RAB3GAP2: variants seen among roughly 807,000 people sequenced by gnomAD.
RAB3GAP2 encodes rab3 GTPase-activating protein non-catalytic subunit.
RAB3GAP2 carries 87 observed loss-of-function variants against 185.3 expected under a neutral mutation model. That is an observed-to-expected ratio of 0.47 (90% CI 0.39 to 0.56). RAB3GAP2 has a LOEUF of 0.56. Ranked by LOEUF, RAB3GAP2 falls within the 20% of genes least tolerant of loss-of-function variation. The pLI, the probability that RAB3GAP2 is intolerant of heterozygous loss-of-function variation, is 0.00. For missense variants in RAB3GAP2, 1,492 were observed against 1,638.2 expected, an observed-to-expected ratio of 0.91 and a Z score of 1.54; for synonymous variants, 554 against 576.1, an observed-to-expected ratio of 0.96 and a Z score of 0.55.
At chr1:220,169,461 G>A (rs1374439781) in intron 24 of RAB3GAP2, among the ~76,000 whole-genome samples, 1 of 152,200 alleles carries the variant, frequency 6.6e-6, no homozygotes, top group Non-Finnish European at 1.5e-5. Flanking sequence ...AATCATGAAA[G>A]GTTTCCTGGA....
chr1:220,153,116 A>G, intron 33 of RAB3GAP2, 69 bp downstream of exon 33: 1 of 1,214,374 alleles, frequency 8.2e-7, no homozygotes, highest in Non-Finnish European at 1.2e-6. Context: ...TGGAAACTTA[A>G]CTGATTCTTT....
At chr1:220,234,588 A>T (rs1190526138) in intron 1 of RAB3GAP2, among the ~76,000 whole-genome samples, 1 of 152,230 alleles carries the variant, frequency 6.6e-6, no homozygotes, top group East Asian at 1.9e-4. Flanking sequence ...CAATTTAACA[A>T]ATACTCTATT....
In RAB3GAP2 at chr1:220,184,091, G is replaced by C. The variant is rs776693021; in HGVS notation, c.1943C>G (p.Ser648Cys). The change falls in exon 19 of 35, where the codon TCT (serine) becomes TGT (cysteine). Residue 648 changes from serine (S) to cysteine (C), a missense_variant. This residue lies in a region of RAB3GAP2 where 681 missense variants were observed against 689.1 expected (regional missense o/e 0.99). Coordinates refer to ENST00000358951, the MANE Select transcript of RAB3GAP2 (RefSeq NM_012414.4). Reference protein sequence around the residue: ...NKLKLLQLYESVSQLNSLDFH... With the variant: ...NKLKLLQLYECVSQLNSLDFH... ...ATCAAGGGAATTTAATTGACTGACA[G>C]ACTCATAGAGTTGCAGCAGTTTTAG... The C allele has an allele frequency of 6.2e-7, 1 of 1,603,104 alleles. No homozygotes were observed. Among genetic ancestry groups the C allele is most frequent in the Admixed American group, 1.7e-5 (1 of 59,948 alleles).
chr1:220,221,767 A>G (rs1659311728), intron 2 of RAB3GAP2, among the ~76,000 whole-genome samples: 2 of 152,256 alleles, frequency 1.3e-5, no homozygotes, highest in African/African-American at 4.8e-5. Context: ...TTAAGCACAC[A>G]ATGCAGGCAG....
At chr1:220,196,197 C>T in intron 10 of RAB3GAP2, 53 bp downstream of exon 10, 1 of 1,579,952 alleles carries the variant, frequency 6.3e-7, no homozygotes, top group African/African-American at 1.3e-5. Flanking sequence ...AATTTGTAGA[C>T]AAATTGTAAA....
chr1:220,209,017 C>T (rs867586904), intron 7 of RAB3GAP2, among the ~76,000 whole-genome samples: 1 of 152,034 alleles, frequency 6.6e-6, no homozygotes, highest in Non-Finnish European at 1.5e-5. Context: ...GTGCCCGGCC[C>T]CAAAACAATT....
At chr1:220,159,344 G>C in intron 29 of RAB3GAP2, 42 bp downstream of exon 29, 1 of 1,528,922 alleles carries the variant, frequency 6.5e-7, no homozygotes, top group South Asian at 1.1e-5. Flanking sequence ...ATAAAAGTGT[G>C]GAATTAACAA....
intron 1 of RAB3GAP2, among the ~76,000 whole-genome samples, chr1:220,262,880 T>C (rs1660166582): frequency 6.6e-6 from 1 of 152,210 alleles, no homozygotes; most frequent in Non-Finnish European, 1.5e-5. Flanking sequence ...GAGGAACTCT[T>C]ATTTTTTCCT....
rs752734744 is a variant in RAB3GAP2, at chr1:220,195,101, C to T, written c.1107G>A (p.Glu369=). 1 of 1,614,152 alleles carries T rather than the reference C, an allele frequency of 6.2e-7. No individual in the cohort carries two copies. Among genetic ancestry groups the T allele is most frequent in the African/African-American group, 1.3e-5 (1 of 75,042 alleles). ...EAVQKQKPKV[E]PATPLAVRFG... ...GCCTTACAGCTAATGGGGTAGCTGG[C>T]TCAACCTTCGGCTTTTGCTTTTGGA... The change falls in exon 12 of 35, where the codon GAG becomes GAA. Residue 369 remains glutamate (E), a synonymous_variant. Transcript: ENST00000358951.
intron 1 of RAB3GAP2, chr1:220,271,306 C>T (rs1288549671): frequency 6.6e-6 from 1 of 152,048 alleles, no homozygotes. Context: ...AGTGAGAGCG[C>T]TGTACTACAA....
intron 4 of RAB3GAP2, 63 bp from the exon 5 acceptor site, chr1:220,211,065 A>T (rs1305525736): frequency 2.7e-6 from 4 of 1,463,960 alleles, no homozygotes; most frequent in Non-Finnish European, 3.8e-6. Flanking sequence ...TTATTTCTCT[A>T]TAATTGGATG....
intron 1 of RAB3GAP2, among the ~76,000 whole-genome samples, chr1:220,261,764 C>T (rs1353553345): frequency 1.3e-5 from 2 of 152,128 alleles, no homozygotes; most frequent in Non-Finnish European, 2.9e-5. Flanking sequence ...TTTTGCTACA[C>T]TTTTACTTAA....
Position 220,158,022 on chromosome 1 carries a change from A to G in RAB3GAP2, c.3262-146T>C. ...GCAAGAATTTGAAAGTCAAGGCATT[A>G]GCATATTTAAGTTCCTTCTTTTAGA... On this transcript the variant is annotated intron_variant, in intron 29 of 34. Transcript: ENST00000358951. This position sits in a 1 kb window ranked among gnomAD's most constrained non-coding sequence, Gnocchi z 4.3. The G allele has an allele frequency of 1.4e-6, 1 of 697,906 alleles. No individual in the cohort carries two copies. Among genetic ancestry groups the G allele is most frequent in the Non-Finnish European group, 2.6e-6 (1 of 388,160 alleles). The allele number at this position is 697,906 out of a possible 1,614,324, so 43.2% of individuals were successfully genotyped here. A position where few individuals can be genotyped will look rare whatever the true frequency, so the allele number is the denominator to read the frequency against.
intron 1 of RAB3GAP2, among the ~76,000 whole-genome samples, chr1:220,242,444 C>G (rs917863477): frequency 3.3e-5 from 5 of 151,662 alleles, no homozygotes; most frequent in African/African-American, 1.2e-4. Flanking sequence ...ACAAATGCAA[C>G]ACAAGGCTGA....
intron 20 of RAB3GAP2, 141 bp from the exon 21 acceptor site, chr1:220,182,495 A>G: frequency 6.7e-7 from 1 of 1,486,476 alleles, no homozygotes; most frequent in Non-Finnish European, 9.0e-7. Flanking sequence ...TGCTTGATTT[A>G]TTAAAGCAGA....
chr1:220,253,885 G>A, intron 1 of RAB3GAP2: 1 of 1,613,534 alleles, frequency 6.2e-7, no homozygotes, highest in Non-Finnish European at 8.5e-7. Context: ...ACAGAAAAAT[G>A]TTGAAGTGAA....
At chr1:220,266,127 G>C (rs1660222765) in intron 1 of RAB3GAP2, 1 of 158,418 alleles carries the variant, frequency 6.3e-6, no homozygotes, top group South Asian at 1.8e-4. Context: ...GTAACATAAA[G>C]TCATACTTTG....
rs202192080 is a variant in RAB3GAP2 at position 220,151,688 on chromosome 1, G to A, written c.3944C>T (p.Ala1315Val). The change falls in exon 34 of 35, where the codon GCG becomes GTG. Residue 1315 changes from alanine to valine, a missense_variant. Transcript: ENST00000358951. ...TTCTTTTGTCTGGGTGTGGAGAAGCGCATGAGCCAGCCTTTGCCCCGTGAG... is the reference window on the plus strand; with the variant it reads ...TTCTTTTGTCTGGGTGTGGAGAAGCACATGAGCCAGCCTTTGCCCCGTGAG... ...LVLTGQRLAHALLHTQTKEGM... is the reference protein window; with the variant it reads ...LVLTGQRLAHVLLHTQTKEGM... 163 of 1,610,806 alleles carry A rather than the reference G, an allele frequency of 1.0e-4. No homozygotes were observed. Among genetic ancestry groups the A allele is most frequent in the Non-Finnish European group, 1.3e-4 (151 of 1,177,026 alleles).
In RAB3GAP2 at chr1:220,150,116, T is replaced by C. The variant is rs1174845786; in HGVS notation, c.*1135A>G. On this transcript the variant is annotated 3_prime_UTR_variant, in exon 35 of 35. Transcript: ENST00000358951. ...TTAGTTTGGTTTTTTCTTTTTTTTTTTTTTTTCGAGACAGGGTCTTGCTAT... is the reference window on the plus strand; with the variant it reads ...TTAGTTTGGTTTTTTCTTTTTTTTTCTTTTTTCGAGACAGGGTCTTGCTAT... The C allele has an allele frequency of 6.6e-6, 1 of 151,306 alleles. No individual in the cohort carries two copies. Among genetic ancestry groups the C allele is most frequent in the African/African-American group, 2.4e-5 (1 of 41,142 alleles). The allele number at this position is 151,306 out of a possible 1,614,324, so 9.4% of individuals were successfully genotyped here. A position where few individuals can be genotyped will look rare whatever the true frequency, so the allele number is the denominator to read the frequency against.
Sources: allele counts gnomAD v4.1 joint callset (sites outside exome capture counted in the v4.1 genomes callset), GRCh38; gene constraint gnomAD v4.1.1; regional missense constraint gnomAD v4.1.1; non-coding constraint Gnocchi (gnomAD v3.1); transcripts MANE v1.5; gene names NCBI Gene and HGNC (gene_info 2026-07-23, HGNC 2026-07-21).